The following KLHL7 variants were observed in gnomAD, a reference collection of about 807,000 sequenced individuals.
The protein encoded by KLHL7 is kelch-like protein 7.
A neutral mutation model predicts 67.4 loss-of-function variants in KLHL7; 44 were observed. The ratio of observed to expected loss-of-function variants is 0.65; its 90% CI spans 0.51 to 0.84. The LOEUF is 0.84. Among genes scored for constraint, KLHL7 ranks in the 40% least tolerant of loss-of-function variants. The pLI, the probability that KLHL7 is intolerant of heterozygous loss-of-function variation, is 0.00. For synonymous variants in KLHL7, 252 were observed against 243.3 expected (o/e 1.04, Z -0.33); for missense variants, 362 against 718.1 (o/e 0.50, Z 5.67).
At chr7:23,160,638 C>T (rs1241354210) in intron 7 of KLHL7, among the ~76,000 whole-genome samples, 1 of 152,142 alleles carries the variant, frequency 6.6e-6, no homozygotes, top group African/African-American at 2.4e-5. Flanking sequence ...GCACAACCTC[C>T]CTCCTCCTCC....
intron 4 of KLHL7, among the ~76,000 whole-genome samples, chr7:23,126,413 A>C (rs941425735): frequency 3.3e-5 from 5 of 152,214 alleles, no homozygotes; most frequent in African/African-American, 1.2e-4. Context: ...CAGAGGCTTT[A>C]AAGAAAGGGA....
intron 4 of KLHL7, chr7:23,129,448 A>G: frequency 2.7e-6 from 1 of 368,028 alleles, no homozygotes; most frequent in Non-Finnish European, 5.3e-6. Flanking sequence ...TGGTTTTCCA[A>G]GGACACTGCC....
intron 1 of KLHL7, among the ~76,000 whole-genome samples, chr7:23,119,129 C>G (rs1001717943): frequency 2.0e-5 from 3 of 152,168 alleles, no homozygotes; most frequent in African/African-American, 7.2e-5. Flanking sequence ...TCCCTCACCT[C>G]CTTCTCTACA....
intron 4 of KLHL7, among the ~76,000 whole-genome samples, chr7:23,140,218 C>A (rs1784128510): frequency 6.6e-6 from 1 of 152,020 alleles, no homozygotes; most frequent in South Asian, 2.1e-4. Flanking sequence ...TAACAATAGC[C>A]AAGAAAAGTT....
In KLHL7 at chr7:23,146,668, T is replaced by TCTTC. The variant is rs1554290060; in HGVS notation, c.793+2643_793+2644insCTTC. On this transcript the variant is annotated intron_variant, in intron 6 of 10. Transcript: ENST00000339077. ...TTCTTCTTCTTCTTCTTCTTCTTCT[T>TCTTC]TTTTTTTTAATTTTAAGGCTATATC... Among the ~76,000 whole-genome samples the TCTTC allele has an allele frequency of 2.2e-3, 284 of 128,248 alleles. 5 individuals carry two copies. Among genetic ancestry groups the TCTTC allele is most frequent in the African/African-American group, 0.012 (270 of 22,536 alleles). 84.1% of individuals were successfully genotyped at this position (128,248 alleles called of 152,430 possible). A position where few individuals can be genotyped will look rare whatever the true frequency, so the allele number is the denominator to read the frequency against.
rs1359911738 is a variant in KLHL7, at chr7:23,105,839, A to G, written c.-188A>G. Reference sequence around the variant, plus strand: ...GTAGCGTCGCTCCCTGAGCGTTTCTAAGGGGGCCGCCCGGCCTTGTCTTTC... The same window carrying G: ...GTAGCGTCGCTCCCTGAGCGTTTCTGAGGGGGCCGCCCGGCCTTGTCTTTC... On this transcript the variant is annotated 5_prime_UTR_variant, in exon 1 of 11. Transcript: ENST00000339077. 3 of 839,682 alleles carry G rather than the reference A, an allele frequency of 3.6e-6. No homozygotes were observed. Among genetic ancestry groups the G allele is most frequent in the Non-Finnish European group, 3.8e-6 (2 of 531,282 alleles). 52.0% of individuals were successfully genotyped at this position (839,682 alleles called of 1,614,324 possible).
rs774496576 is a variant in KLHL7 at position 23,174,841 on chromosome 7, A to G, written c.*543A>G. 23 of 454,484 alleles carry G rather than the reference A, an allele frequency of 5.1e-5. No individual in the cohort carries two copies. Among genetic ancestry groups the G allele is most frequent in the Non-Finnish European group, 9.3e-5 (21 of 226,818 alleles). 28.2% of individuals were successfully genotyped at this position (454,484 alleles called of 1,614,324 possible). A position where few individuals can be genotyped will look rare whatever the true frequency, so the allele number is the denominator to read the frequency against. On this transcript the variant is annotated 3_prime_UTR_variant, in exon 11 of 11. Coordinates refer to ENST00000339077, the MANE Select transcript of KLHL7 (RefSeq NM_001031710.3). ...AGTAAGCCAGAGTGAGTCAAGGCATATACACACTTTCTCACAAAACTTCCT... is the reference window on the plus strand; with the variant it reads ...AGTAAGCCAGAGTGAGTCAAGGCATGTACACACTTTCTCACAAAACTTCCT...
intron 5 of KLHL7, among the ~76,000 whole-genome samples, chr7:23,142,362 A>T (rs1040430184): frequency 1.3e-5 from 2 of 152,188 alleles, no homozygotes; most frequent in African/African-American, 2.4e-5. Flanking sequence ...TAAAAACAAA[A>T]ATTTGCACTT....
intron 10 of KLHL7, among the ~76,000 whole-genome samples, 191 bp from the exon 11 acceptor site, chr7:23,173,824 G>A (rs542715063): frequency 3.9e-5 from 6 of 152,276 alleles, no homozygotes; most frequent in Admixed American, 6.5e-5. Flanking sequence ...AATATTAAAT[G>A]TCTATTGTGT....
At chr7:23,110,082 G>C (rs1782802931) in intron 1 of KLHL7, among the ~76,000 whole-genome samples, 1 of 152,164 alleles carries the variant, frequency 6.6e-6, no homozygotes, top group Non-Finnish European at 1.5e-5. Flanking sequence ...CCAAGTAAGT[G>C]CTTGGCCACT....
intron 1 of KLHL7, chr7:23,117,822 T>C: frequency 6.3e-7 from 1 of 1,599,546 alleles, no homozygotes; most frequent in Non-Finnish European, 8.5e-7. Flanking sequence ...TCATTTCCCT[T>C]TATGTTTTCA....
chr7:23,131,958 T>C (rs1366068329), intron 4 of KLHL7, among the ~76,000 whole-genome samples: 1 of 152,178 alleles, frequency 6.6e-6, no homozygotes, highest in African/African-American at 2.4e-5. Flanking sequence ...TCCAGTTCCA[T>C]CCATGCTGTT....
chr7:23,140,295 C>T (rs897852967), intron 4 of KLHL7, among the ~76,000 whole-genome samples: 1 of 152,226 alleles, frequency 6.6e-6, no homozygotes, highest in Non-Finnish European at 1.5e-5. Flanking sequence ...TGGCTCATGC[C>T]TGTAATCCCA....
At chr7:23,157,119 A>G (rs1232256621) in intron 7 of KLHL7, among the ~76,000 whole-genome samples, 1 of 152,238 alleles carries the variant, frequency 6.6e-6, no homozygotes, top group Non-Finnish European at 1.5e-5. Flanking sequence ...TTAAAAGATC[A>G]TGTGCATAAA....
chr7:23,125,172 G>A lies in KLHL7; in HGVS notation c.442G>A (p.Gly148Ser). ...KEQVDASNCL[G>S]ISVLAECLDC... ...ACAAGTTGATGCTTCAAATTGTCTT[G>A]GTAAGAAATATCAGATTCCTGTTGT... The change falls in exon 4 of 11, where the codon GGT (glycine) becomes AGT (serine). Residue 148 changes from glycine (G) to serine (S), a missense_variant and splice_region_variant. By Grantham distance (56) the Gly-to-Ser change is moderately conservative. This residue lies in a region of KLHL7 where 155 missense variants were observed against 280.8 expected (regional missense o/e 0.55). Transcript: ENST00000339077. The A allele has an allele frequency of 6.2e-7, 1 of 1,612,810 alleles. No individual in the cohort carries two copies.
intron 1 of KLHL7, 67 bp downstream of exon 1, chr7:23,106,213 G>T (rs891964082): frequency 6.3e-7 from 1 of 1,579,448 alleles, no homozygotes; most frequent in African/African-American, 1.3e-5. Flanking sequence ...CCTGGTTCCC[G>T]GGGTGGAACC....
intron 1 of KLHL7, among the ~76,000 whole-genome samples, chr7:23,112,390 G>A (rs1185818110): frequency 6.6e-6 from 1 of 152,156 alleles, no homozygotes; most frequent in East Asian, 1.9e-4. Flanking sequence ...GAAAGTTGTG[G>A]GTTAGATGTA....
chr7:23,135,366 G>C (rs1467934223), intron 4 of KLHL7, among the ~76,000 whole-genome samples: 1 of 152,084 alleles, frequency 6.6e-6, no homozygotes, highest in Non-Finnish European at 1.5e-5. Flanking sequence ...GTCTATCCTT[G>C]AGAATGATCC....
At chr7:23,117,768 A>G in intron 1 of KLHL7, 2 of 1,404,968 alleles carry the variant, frequency 1.4e-6, no homozygotes, top group Non-Finnish European at 1.9e-6. Flanking sequence ...AAGCTTTTCT[A>G]GTAACTAATC....
Sources: gnomAD v4.1 joint callset for allele counts (sites outside exome capture counted in the v4.1 genomes callset) on GRCh38, gnomAD v4.1.1 for gene constraint, gnomAD v4.1.1 regional missense constraint, MANE v1.5 for transcripts, NCBI Gene and HGNC (gene_info 2026-07-23, HGNC 2026-07-21) for gene names.